SLC25A21: variants seen among roughly 807,000 people sequenced by gnomAD.
SLC25A21 encodes solute carrier family 25 member 21.
SLC25A21 carries 47 observed loss-of-function variants against 43.8 expected under a neutral mutation model. The observed-to-expected ratio is 1.07, with a 90% CI of 0.85 to 1.37. The LOEUF (loss-of-function observed/expected upper bound fraction) is 1.37, where lower values mean the gene tolerates loss of function less well. SLC25A21 is among the 40% of genes most tolerant of loss of function. The probability of loss-of-function intolerance (pLI) is 0.00; values close to 1 mark genes in which losing one functional copy is unlikely to be tolerated. For missense variants in SLC25A21, 352 were observed against 350.2 expected, an observed-to-expected ratio of 1.00 and a Z score of -0.04; for synonymous variants, 131 against 121.3, an observed-to-expected ratio of 1.08 and a Z score of -0.52.
At chr14:37,001,681 G>T (rs1193055293) in intron 1 of SLC25A21, among the ~76,000 whole-genome samples, 1 of 151,816 alleles carries the variant, frequency 6.6e-6, no homozygotes, top group African/African-American at 2.4e-5. Context: ...CTGGCACTGG[G>T]GATACAAATT....
intron 4 of SLC25A21, among the ~76,000 whole-genome samples, chr14:36,732,411 C>T (rs909479680): frequency 3.9e-5 from 6 of 151,902 alleles, no homozygotes; most frequent in African/African-American, 9.7e-5. Context: ...ACCATGGTGC[C>T]GCCCATCTGT....
chr14:37,111,097 G>A (rs1219921390), intron 1 of SLC25A21, among the ~76,000 whole-genome samples: 1 of 152,056 alleles, frequency 6.6e-6, no homozygotes, highest in Non-Finnish European at 1.5e-5. Flanking sequence ...ATGCCTCAAT[G>A]TTTTCTTATA....
intron 3 of SLC25A21, among the ~76,000 whole-genome samples, chr14:36,736,868 A>C (rs753940158): frequency 6.6e-6 from 1 of 152,248 alleles, no homozygotes; most frequent in Non-Finnish European, 1.5e-5. Flanking sequence ...TAGGACCAAC[A>C]GGTGGAAGCA....
chr14:37,148,131 C>T (rs1054461716), intron 1 of SLC25A21, among the ~76,000 whole-genome samples: 3 of 152,110 alleles, frequency 2.0e-5, no homozygotes, highest in Non-Finnish European at 4.4e-5. Flanking sequence ...AGCCACCACC[C>T]CCAGCCCTTA....
intron 3 of SLC25A21, among the ~76,000 whole-genome samples, chr14:36,756,102 A>T (rs904349700): frequency 6.6e-6 from 1 of 152,162 alleles, no homozygotes; most frequent in African/African-American, 2.4e-5. Flanking sequence ...AGACTGGCAC[A>T]CCATTCTCAT....
intron 1 of SLC25A21, among the ~76,000 whole-genome samples, chr14:36,962,713 A>G (rs780727698): frequency 2.3e-4 from 35 of 152,360 alleles, no homozygotes; most frequent in Middle Eastern, 3.4e-3. Flanking sequence ...ATAGCCAGAA[A>G]GGATAATAAT....
At chr14:36,788,698 T>C (rs1887339558) in intron 3 of SLC25A21, 1 of 152,018 alleles carries the variant, frequency 6.6e-6, no homozygotes, top group African/African-American at 2.4e-5. Flanking sequence ...TTTACGGTTC[T>C]GGTGGAAATC....
At chr14:37,162,353 G>C (rs1963959043) in intron 1 of SLC25A21, among the ~76,000 whole-genome samples, 1 of 152,142 alleles carries the variant, frequency 6.6e-6, no homozygotes, top group African/African-American at 2.4e-5. Context: ...CCTATGTCCT[G>C]AATGGTAATG....
intron 1 of SLC25A21, among the ~76,000 whole-genome samples, chr14:37,106,160 C>A (rs1299601609): frequency 6.6e-6 from 1 of 151,692 alleles, no homozygotes; most frequent in African/African-American, 2.4e-5. Context: ...GAAATCAGTG[C>A]ACCTTGAAAA....
intron 1 of SLC25A21, among the ~76,000 whole-genome samples, chr14:37,076,749 G>T (rs1566863568): frequency 6.6e-6 from 1 of 152,124 alleles, no homozygotes; most frequent in Non-Finnish European, 1.5e-5. Flanking sequence ...CTCCCAAATT[G>T]CTGGGACTAC....
At chr14:36,878,919 C>T (rs948916786) in intron 1 of SLC25A21, among the ~76,000 whole-genome samples, 71 of 152,120 alleles carry the variant, frequency 4.7e-4, no homozygotes, top group African/African-American at 1.6e-3. Flanking sequence ...AATTGTACTG[C>T]CAACCACCAA....
chr14:36,942,767 T>C (rs1313281222), intron 1 of SLC25A21, among the ~76,000 whole-genome samples: 1 of 152,234 alleles, frequency 6.6e-6, no homozygotes, highest in Non-Finnish European at 1.5e-5. Context: ...TGAAATCAAG[T>C]GACCGGCTGT....
At chr14:37,109,447 T>C (rs1243791562) in intron 1 of SLC25A21, among the ~76,000 whole-genome samples, 1 of 152,174 alleles carries the variant, frequency 6.6e-6, no homozygotes, top group African/African-American at 2.4e-5. Context: ...AACATAAAAA[T>C]GCCAGATTTG....
chr14:36,982,086 A>C (rs1373185120), intron 1 of SLC25A21, among the ~76,000 whole-genome samples: 2 of 152,142 alleles, frequency 1.3e-5, no homozygotes, highest in Non-Finnish European at 2.9e-5. Context: ...AGTTCTTGCA[A>C]AACATGGAGA....
intron 1 of SLC25A21, among the ~76,000 whole-genome samples, chr14:36,892,449 A>C (rs1275674287): frequency 1.3e-5 from 2 of 152,192 alleles, no homozygotes; most frequent in Non-Finnish European, 2.9e-5. Context: ...TTAAGCCATA[A>C]AAAGAAGGAA....
At chr14:36,743,211 C>A (rs143356942) in intron 3 of SLC25A21, among the ~76,000 whole-genome samples, 59 of 152,222 alleles carry the variant, frequency 3.9e-4, no homozygotes, top group Non-Finnish European at 7.2e-4. Flanking sequence ...ACTTGAGAAG[C>A]AACCAAAGAG....
intron 3 of SLC25A21, among the ~76,000 whole-genome samples, chr14:36,796,441 A>G (rs1413284582): frequency 6.6e-6 from 1 of 151,340 alleles, no homozygotes; most frequent in Admixed American, 6.6e-5. Flanking sequence ...AAAGTACCAA[A>G]TCTATCTTTA....
chr14:37,140,884 C>T (rs752677754), intron 1 of SLC25A21, among the ~76,000 whole-genome samples: 11 of 151,980 alleles, frequency 7.2e-5, no homozygotes, highest in Non-Finnish European at 1.0e-4. Flanking sequence ...GTAAGGCTCA[C>T]GCCTGTAATC....
intron 3 of SLC25A21, among the ~76,000 whole-genome samples, chr14:36,783,530 G>A (rs1193984558): frequency 6.6e-6 from 1 of 152,072 alleles, no homozygotes. Flanking sequence ...GGCCTCCTTG[G>A]CAGCATCCCA....
Sources: gnomAD v4.1 joint callset for allele counts (sites outside exome capture counted in the v4.1 genomes callset) on GRCh38, gnomAD v4.1.1 for gene constraint, MANE v1.5 for transcripts, NCBI Gene and HGNC (gene_info 2026-07-23, HGNC 2026-07-21) for gene names.